Variants in ANKH observed in about 807,000 individuals in gnomAD.
The protein encoded by ANKH is mineralization regulator ANKH.
In ANKH, 15 loss-of-function variants were observed where a neutral mutation model predicts 49.0. The observed-to-expected ratio is 0.31, with a 90% CI of 0.20 to 0.47. ANKH has a LOEUF of 0.47. ANKH is among the 20% of genes least tolerant of loss of function. The pLI is 1.00. For missense variants in ANKH, 429 were observed against 652.0 expected, an observed-to-expected ratio of 0.66 and a Z score of 3.72; for synonymous variants, 273 against 260.0, an observed-to-expected ratio of 1.05 and a Z score of -0.48.
rs73048890 is a variant in ANKH at position 14,768,966 on chromosome 5, C to T, written c.313+9G>A. ...AGCTAGATTCGTCAGTGGCGGTCGG[C>T]GGCCTCACCTATCAGTGTGTGAAAG... On this transcript the variant is annotated intron_variant, in intron 2 of 11. Transcript: ENST00000284268. 0.078 allele frequency: 125,159 copies of T among 1,613,160 alleles called. 5,170 individuals are homozygous for T. The highest frequency in any genetic ancestry group is 0.097 in the African/African-American group (7,272 of 74,990).
At position 14,711,232 on chromosome 5, in the gene ANKH, T is replaced by TCA; in HGVS notation, c.1442_1443dup (p.Thr482Ter). The TCA allele has an allele frequency of 1.9e-6, 3 of 1,614,142 alleles. No individual in the cohort carries two copies. ...TCCTCTCTCATTTCCACGATGTCTG[T>TCA]CACCTCCTCTGTCGGAGGCATGTCT... On this transcript the variant is annotated frameshift_variant, in exon 12 of 12. Coordinates refer to ENST00000284268, the MANE Select transcript of ANKH (RefSeq NM_054027.6). LOFTEE classifies it high-confidence loss of function.
chr5:14,750,174 T>A (rs1192308996), intron 5 of ANKH, among the ~76,000 whole-genome samples: 1 of 152,184 alleles, frequency 6.6e-6, no homozygotes, highest in Non-Finnish European at 1.5e-5. Flanking sequence ...CAAGTAGGGA[T>A]CAGGGTGAGG....
At chr5:14,721,157 GAAGTT>G (rs1309048394) in intron 8 of ANKH, among the ~76,000 whole-genome samples, 4 of 152,192 alleles carry the variant, frequency 2.6e-5, no homozygotes, top group African/African-American at 9.7e-5. Flanking sequence ...ACACAACCAC[GAAGTT>G]AAGTAAGGTT....
intron 1 of ANKH, among the ~76,000 whole-genome samples, chr5:14,816,885 G>C (rs1741054585): frequency 6.6e-6 from 1 of 152,132 alleles, no homozygotes; most frequent in African/African-American, 2.4e-5. Flanking sequence ...CCAAAGGAAG[G>C]ACCAGGGACT....
At chr5:14,781,660 A>C (rs1739810180) in intron 1 of ANKH, among the ~76,000 whole-genome samples, 1 of 152,210 alleles carries the variant, frequency 6.6e-6, no homozygotes, top group Non-Finnish European at 1.5e-5. Context: ...TGAAACATGA[A>C]GCTTATTCAC....
In ANKH at chr5:14,784,421, A is replaced by T. The variant is rs999221875; in HGVS notation, c.97-15230T>A. On this transcript the variant is annotated intron_variant, in intron 1 of 11. Transcript: ENST00000284268. ...GGGTGGGGCGGCAGGGGCAGGATAAACACGTCTCTACCATCATCAGACTAG... is the reference window on the plus strand; with the variant it reads ...GGGTGGGGCGGCAGGGGCAGGATAATCACGTCTCTACCATCATCAGACTAG... Among the ~76,000 whole-genome samples the T allele has an allele frequency of 2.6e-5, 4 of 152,192 alleles. No individual in the cohort carries two copies. The South Asian group carries it at 8.3e-4, about 32-fold the overall frequency.
chr5:14,798,168 T>C, intron 1 of ANKH: 3 of 1,566,650 alleles, frequency 1.9e-6, no homozygotes, highest in East Asian at 4.5e-5. Context: ...TATAACAAGA[T>C]GGTTTTGTTC....
chr5:14,717,678 G>A (rs1480492726), intron 8 of ANKH, among the ~76,000 whole-genome samples: 2 of 152,164 alleles, frequency 1.3e-5, no homozygotes, highest in Non-Finnish European at 2.9e-5. Flanking sequence ...AAAACAGAGG[G>A]GTACCTGGCA....
At chr5:14,783,784 A>G (rs1739887720) in intron 1 of ANKH, among the ~76,000 whole-genome samples, 1 of 152,244 alleles carries the variant, frequency 6.6e-6, no homozygotes, top group Non-Finnish European at 1.5e-5. Context: ...GAAAATTGCT[A>G]AAGATGGGAA....
intron 1 of ANKH, among the ~76,000 whole-genome samples, chr5:14,850,039 A>G (rs1296860410): frequency 3.9e-5 from 6 of 152,204 alleles, no homozygotes; most frequent in African/African-American, 9.6e-5. Flanking sequence ...ATCGCCTCAC[A>G]TAAAAGGTAT....
chr5:14,834,148 C>A (rs774276179), intron 1 of ANKH, among the ~76,000 whole-genome samples: 11 of 152,128 alleles, frequency 7.2e-5, no homozygotes, highest in Non-Finnish European at 1.5e-4. Context: ...TGGTAAAGAA[C>A]AAGAGCTCTA....
At chr5:14,749,765 C>G (rs1046739445) in intron 5 of ANKH, among the ~76,000 whole-genome samples, 2 of 152,220 alleles carry the variant, frequency 1.3e-5, no homozygotes, top group Non-Finnish European at 2.9e-5. Flanking sequence ...ATTATTCTGG[C>G]AGTGTAGAAA....
chr5:14,859,034 A>AT (rs1196974215), intron 1 of ANKH, among the ~76,000 whole-genome samples: 3 of 152,118 alleles, frequency 2.0e-5, no homozygotes, highest in African/African-American at 7.2e-5. Context: ...TAAAATATAC[A>AT]TAAAAATGTA....
intron 8 of ANKH, among the ~76,000 whole-genome samples, chr5:14,738,124 A>G (rs1738244157): frequency 1.3e-5 from 2 of 152,254 alleles, no homozygotes; most frequent in African/African-American, 4.8e-5. Flanking sequence ...ATAAGAGTAC[A>G]AGGGCAGAAC....
chr5:14,755,296 C>T (rs1419193546), intron 4 of ANKH, among the ~76,000 whole-genome samples: 1 of 152,214 alleles, frequency 6.6e-6, no homozygotes, highest in Non-Finnish European at 1.5e-5. Flanking sequence ...GAATTGGACC[C>T]AACAGAAAGT....
intron 9 of ANKH, among the ~76,000 whole-genome samples, chr5:14,714,677 A>G (rs908574214): frequency 6.6e-6 from 1 of 152,130 alleles, no homozygotes; most frequent in Admixed American, 6.5e-5. Flanking sequence ...AGACCCACTG[A>G]GGTTTTTGAC....
At chr5:14,800,753 G>T (rs1251106126) in intron 1 of ANKH, among the ~76,000 whole-genome samples, 2 of 147,782 alleles carry the variant, frequency 1.4e-5, no homozygotes, top group Non-Finnish European at 3.0e-5. Context: ...TTGAGACAGG[G>T]TCTTGCTCCT....
At chr5:14,792,249 T>A (rs1181238580) in intron 1 of ANKH, among the ~76,000 whole-genome samples, 6 of 152,118 alleles carry the variant, frequency 3.9e-5, no homozygotes, top group Admixed American at 3.9e-4. Context: ...AGATTGGATA[T>A]GACTGTGATA....
At chr5:14,799,895 C>G (rs1740518164) in intron 1 of ANKH, among the ~76,000 whole-genome samples, 3 of 152,092 alleles carry the variant, frequency 2.0e-5, no homozygotes, top group South Asian at 4.2e-4. Context: ...TTTCATAAGG[C>G]TATAGCTGCC....
Sources: allele counts gnomAD v4.1 joint callset (sites outside exome capture counted in the v4.1 genomes callset), GRCh38; gene constraint gnomAD v4.1.1; transcripts MANE v1.5; gene names NCBI Gene and HGNC (gene_info 2026-07-23, HGNC 2026-07-21).